The following FANK1 variants were observed in gnomAD, a reference collection of about 807,000 sequenced individuals.
The protein encoded by FANK1 is fibronectin type III and ankyrin repeat domains 1, also known as fibronectin type 3 and ankyrin repeat domains protein 1.
Under a neutral mutation model 45.3 loss-of-function variants are expected in FANK1, and 44 were observed. The ratio of observed to expected loss-of-function variants is 0.97; its 90% confidence interval spans 0.76 to 1.25. FANK1 has a LOEUF of 1.25. Among genes scored for constraint, FANK1 ranks in the 50% most tolerant of loss-of-function variants. The pLI, the probability that FANK1 is intolerant of heterozygous loss-of-function variation, is 0.00. For synonymous variants in FANK1, 149 were observed against 152.5 expected, an observed-to-expected ratio of 0.98 and a Z score of 0.17; for missense variants, 391 against 424.4, an observed-to-expected ratio of 0.92 and a Z score of 0.69.
intron 1 of FANK1, among the ~76,000 whole-genome samples, chr10:125,976,906 A>T (rs1429751332): frequency 6.6e-6 from 1 of 152,136 alleles, no homozygotes; most frequent in Non-Finnish European, 1.5e-5. Context: ...TACTGGAGTG[A>T]GCTACTGTGC....
Position 125,996,125 on chromosome 10 carries a change from C to T in FANK1, c.399-425C>T, listed in dbSNP as rs796945460. 2.4e-4 allele frequency among the ~76,000 whole-genome samples: 37 copies of T among 152,310 alleles called. 1 individual carries two copies. The highest frequency in any genetic ancestry group is 8.9e-4 in the African/African-American group (37 of 41,574). ...TGCGTGAAGACCTCCGAAAGGGCTG[C>T]TCTCTACCCAGTAGGTGAGATGGGA... On this transcript the variant is annotated intron_variant, in intron 4 of 10. Transcript: ENST00000368693.
intron 1 of FANK1, among the ~76,000 whole-genome samples, chr10:125,924,408 C>T (rs1276881481): frequency 1.3e-5 from 2 of 151,788 alleles, no homozygotes; most frequent in Non-Finnish European, 2.9e-5. Context: ...TGTGCACCAC[C>T]ACGCCCACCT....
intron 1 of FANK1, among the ~76,000 whole-genome samples, chr10:125,928,703 C>G (rs191395203): frequency 6.6e-6 from 1 of 152,208 alleles, no homozygotes; most frequent in East Asian, 1.9e-4. Flanking sequence ...TTCTGTAATG[C>G]CTAAGTAGGG....
intron 1 of FANK1, among the ~76,000 whole-genome samples, chr10:125,942,801 T>A (rs867460293): frequency 6.6e-6 from 1 of 151,856 alleles, no homozygotes; most frequent in Non-Finnish European, 1.5e-5. Flanking sequence ...TCTGAAATTT[T>A]TTTATAATTT....
At chr10:125,998,348 C>T (rs1046500748) in intron 6 of FANK1, among the ~76,000 whole-genome samples, 5 of 152,146 alleles carry the variant, frequency 3.3e-5, no homozygotes, top group Non-Finnish European at 5.9e-5. Context: ...TCTCTGAACA[C>T]AATACAGCAA....
At chr10:125,954,534 T>C (rs1393404330) in intron 1 of FANK1, among the ~76,000 whole-genome samples, 1 of 152,192 alleles carries the variant, frequency 6.6e-6, no homozygotes, top group East Asian at 1.9e-4. Context: ...GAAATAAATA[T>C]GAAGACCTAC....
At position 125,979,754 on chromosome 10, in the gene FANK1, A is replaced by G. The variant is rs1285685836; in HGVS notation, c.14-407A>G. 11 of 452,646 alleles carry G rather than the reference A, an allele frequency of 2.4e-5. No individual in the cohort carries two copies. In the East Asian group the frequency reaches 7.6e-4, roughly 31 times the overall value. The allele number at this position is 452,646 out of a possible 1,614,324, so 28.0% of individuals were successfully genotyped here. On this transcript the variant is annotated intron_variant, in intron 1 of 10. Coordinates refer to ENST00000368693, the MANE Select transcript of FANK1 (RefSeq NM_145235.5). Reference sequence around the variant, plus strand: ...GGCTGTTTATACAGCATAGGTGTCAACCCTTTGTCATCTATGTTCCACATA... The same window carrying G: ...GGCTGTTTATACAGCATAGGTGTCAGCCCTTTGTCATCTATGTTCCACATA...
chr10:125,922,414 T>C (rs1947007933), intron 1 of FANK1, among the ~76,000 whole-genome samples: 1 of 152,234 alleles, frequency 6.6e-6, no homozygotes, highest in Admixed American at 6.5e-5. Context: ...ACTTGGATCA[T>C]TGCTATTTAT....
In FANK1 at chr10:126,006,437, C is replaced by T. The variant is rs573826431; in HGVS notation, c.705+1388C>T. On this transcript the variant is annotated intron_variant, in intron 7 of 10. Coordinates refer to ENST00000368693, the MANE Select transcript of FANK1 (RefSeq NM_145235.5). ...AGTCAGTGGGCTTCCATAGTAGAGC[C>T]GGGCCCACGTGCCATGTGTGGTAGT... is the stretch of plus-strand genomic sequence containing the variant. Among the ~76,000 whole-genome samples, 12 of 152,302 alleles carry T rather than the reference C, an allele frequency of 7.9e-5. No individual in the cohort carries two copies. In the South Asian group the frequency reaches 2.1e-3, roughly 26 times the overall value.
intron 1 of FANK1, among the ~76,000 whole-genome samples, chr10:125,958,984 C>T (rs903132922): frequency 2.0e-4 from 31 of 152,162 alleles, no homozygotes; most frequent in African/African-American, 3.9e-4. Context: ...ATCAAAGGCA[C>T]GGCATCAAAA....
In FANK1 at chr10:126,009,062, G is replaced by A. The variant is rs200252054; in HGVS notation, c.858G>A (p.Val286=). ...RNGKTPLMVA[V]LNNHEELVQL... ...TGGGTTTTGTTTTCTAGGTGGCTGTGTTAAATAATCATGAAGAGTTAGTTC... is the reference window on the plus strand; with the variant it reads ...TGGGTTTTGTTTTCTAGGTGGCTGTATTAAATAATCATGAAGAGTTAGTTC... Residue 286 remains valine (V), a synonymous_variant, in exon 9 of 11, where the codon GTG becomes GTA. Coordinates refer to ENST00000368693, the MANE Select transcript of FANK1 (RefSeq NM_145235.5). 5 of 1,614,018 alleles carry A rather than the reference G, an allele frequency of 3.1e-6. No individual in the cohort carries two copies. The highest frequency in any genetic ancestry group is 4.2e-6 in the Non-Finnish European group (5 of 1,180,040).
intron 2 of FANK1, among the ~76,000 whole-genome samples, chr10:125,981,261 A>C (rs1300092573): frequency 6.6e-6 from 1 of 152,126 alleles, no homozygotes; most frequent in Non-Finnish European, 1.5e-5. Flanking sequence ...TAATCTCAGC[A>C]CTGTGGGAGG....
chr10:125,970,640 C>T (rs1462349353), intron 1 of FANK1, among the ~76,000 whole-genome samples: 1 of 152,212 alleles, frequency 6.6e-6, no homozygotes, highest in African/African-American at 2.4e-5. Flanking sequence ...CGGCGAAACC[C>T]CTTCTCCACC....
chr10:125,983,580 C>T lies in FANK1; in HGVS notation c.191+3242C>T, dbSNP rs1394150745. ...TCTGAGTAGATCTGAAGCAAGGATA[C>T]CTGGAGCCTTGCAACTATCTGGGGG... is the stretch of plus-strand genomic sequence containing the variant. On this transcript the variant is annotated intron_variant, in intron 2 of 10. Coordinates refer to ENST00000368693, the MANE Select transcript of FANK1 (RefSeq NM_145235.5). The surrounding 1 kb of genome is among the most constrained non-coding windows in gnomAD (Gnocchi z 4.3). Among the ~76,000 whole-genome samples the T allele has an allele frequency of 6.6e-6, 1 of 152,074 alleles. No homozygotes were observed. The highest frequency in any genetic ancestry group is 6.6e-5 in the Admixed American group (1 of 15,258).
intron 1 of FANK1, among the ~76,000 whole-genome samples, chr10:125,919,228 CAG>C (rs1347551360): frequency 6.2e-5 from 1 of 16,218 alleles, no homozygotes; most frequent in South Asian, 1.5e-3. Flanking sequence ...TTTTTTGTGA[CAG>C]AGTCTTGCTC....
intron 1 of FANK1, among the ~76,000 whole-genome samples, chr10:125,959,118 C>T (rs139059643): frequency 7.9e-5 from 12 of 152,048 alleles, no homozygotes; most frequent in Admixed American, 3.9e-4. Flanking sequence ...TGAAATAGGC[C>T]GAGCATGGTG....
chr10:125,996,262 AGT>A (rs1281109075), intron 4 of FANK1, among the ~76,000 whole-genome samples: 1 of 152,214 alleles, frequency 6.6e-6, no homozygotes, highest in Non-Finnish European at 1.5e-5. Flanking sequence ...TTCACTGGAG[AGT>A]GCTTTATCCG....
intron 1 of FANK1, among the ~76,000 whole-genome samples, chr10:125,970,249 C>G (rs977291007): frequency 6.6e-6 from 1 of 151,724 alleles, no homozygotes; most frequent in Admixed American, 6.6e-5. Context: ...CAGGCAGAGG[C>G]GCCCCTGCCT....
At chr10:125,946,013 G>A (rs1047579666) in intron 1 of FANK1, among the ~76,000 whole-genome samples, 17 of 152,138 alleles carry the variant, frequency 1.1e-4, no homozygotes, top group Admixed American at 3.3e-4. Flanking sequence ...CACCTCACAC[G>A]GCAGGGTATT....
Sources: gnomAD v4.1 joint callset for allele counts (sites outside exome capture counted in the v4.1 genomes callset) on GRCh38, gnomAD v4.1.1 for gene constraint, Gnocchi (gnomAD v3.1) non-coding constraint, MANE v1.5 for transcripts, NCBI Gene and HGNC (gene_info 2026-07-23, HGNC 2026-07-21) for gene names.